Variants in STAU2 observed in about 807,000 individuals in gnomAD.
The protein encoded by STAU2 is staufen double-stranded RNA binding protein 2, also known as double-stranded RNA-binding protein Staufen homolog 2.
STAU2 carries 20 observed loss-of-function variants against 65.9 expected under a neutral mutation model. The ratio of observed to expected loss-of-function variants is 0.30; its 90% CI spans 0.21 to 0.44. STAU2 has a LOEUF of 0.44. Ranked by LOEUF, STAU2 falls within the 20% of genes least tolerant of loss-of-function variation. The probability of loss-of-function intolerance (pLI) is 1.00; values close to 1 mark genes in which losing one functional copy is unlikely to be tolerated. For missense variants in STAU2, 558 were observed against 683.9 expected (o/e 0.82, Z 2.05); for synonymous variants, 232 against 233.9 (o/e 0.99, Z 0.07).
In STAU2 at chr8:73,688,722, G is replaced by A. The variant is rs768590143; in HGVS notation, c.206C>T (p.Ala69Val). The A allele has an allele frequency of 6.2e-7, 1 of 1,614,156 alleles. No individual in the cohort carries two copies. The highest frequency in any genetic ancestry group is 2.2e-5 in the East Asian group (1 of 44,886). Residue 69 changes from alanine to valine, a missense_variant, in exon 5 of 15, where the codon GCT becomes GTT. Coordinates refer to ENST00000524300, the MANE Select transcript of STAU2 (RefSeq NM_001164380.2). ...KKAQQAVANK[A>V]LTESTLPKPV... The stretch of plus-strand genomic sequence containing the variant: ...TTTGGGAAGCGTAGATTCAGTCAAA[G>A]CTTTATTGGCAACAGCCTGCTGAGC...
chr8:73,480,676 T>C (rs1820559438), intron 13 of STAU2, among the ~76,000 whole-genome samples: 1 of 152,164 alleles, frequency 6.6e-6, no homozygotes, highest in Admixed American at 6.6e-5. Context: ...TGAGAGACTG[T>C]AATTGCAAAC....
At chr8:73,664,229 T>G (rs79454706) in intron 6 of STAU2, among the ~76,000 whole-genome samples, 11,036 of 152,102 alleles carry the variant, frequency 0.073, 435 homozygotes, top group Middle Eastern at 0.14. Context: ...TGGTCATGTT[T>G]CCCAGGCTGG....
At chr8:73,602,728 C>CAA (rs59554010) in intron 10 of STAU2, among the ~76,000 whole-genome samples, 63 of 83,258 alleles carry the variant, frequency 7.6e-4, no homozygotes, top group African/African-American at 1.5e-3. Context: ...GTTGCCCCAC[C>CAA]AAAAAAAAAA....
At chr8:73,662,309 T>C (rs538369567) in intron 6 of STAU2, among the ~76,000 whole-genome samples, 1 of 152,338 alleles carries the variant, frequency 6.6e-6, no homozygotes, top group East Asian at 1.9e-4. Flanking sequence ...TTCCTTCTAA[T>C]ATATGTCTTG....
chr8:73,743,091 A>G (rs1308661747), intron 1 of STAU2, among the ~76,000 whole-genome samples: 1 of 152,220 alleles, frequency 6.6e-6, no homozygotes, highest in East Asian at 1.9e-4. Context: ...GGTCCTTTAA[A>G]GAGCTTTTTA....
chr8:73,638,347 C>A (rs749100023), intron 6 of STAU2, among the ~76,000 whole-genome samples: 15 of 151,810 alleles, frequency 9.9e-5, no homozygotes, highest in South Asian at 4.2e-4. Flanking sequence ...AAACTGACTC[C>A]TCTCCCTTTT....
intron 13 of STAU2, among the ~76,000 whole-genome samples, chr8:73,518,846 T>C (rs76500579): frequency 8.8e-4 from 134 of 152,232 alleles, no homozygotes; most frequent in Non-Finnish European, 1.7e-3. Context: ...AAAACGAAAA[T>C]TGTATATAAT....
At chr8:73,659,848 G>A (rs555864111) in intron 6 of STAU2, among the ~76,000 whole-genome samples, 3 of 152,122 alleles carry the variant, frequency 2.0e-5, no homozygotes, top group Non-Finnish European at 2.9e-5. Context: ...AAAACATTAC[G>A]AATTCAGTAT....
intron 6 of STAU2, among the ~76,000 whole-genome samples, chr8:73,668,610 A>C (rs573265691): frequency 6.6e-6 from 1 of 152,348 alleles, no homozygotes. Flanking sequence ...TTTACCTTGT[A>C]CTTTGTCAAA....
At chr8:73,689,553 T>TCA (rs1196462099) in intron 4 of STAU2, among the ~76,000 whole-genome samples, 1 of 152,170 alleles carries the variant, frequency 6.6e-6, no homozygotes, top group African/African-American at 2.4e-5. Context: ...CATCCTCATC[T>TCA]CACACACATC....
chr8:73,739,625 T>C, intron 2 of STAU2, 131 bp downstream of exon 2: 1 of 751,898 alleles, frequency 1.3e-6, no homozygotes, highest in Non-Finnish European at 1.9e-6. Context: ...AATAGTGTCC[T>C]CAGCATCTGC....
In STAU2 at chr8:73,675,759, A is replaced by G. The variant is rs574419931; in HGVS notation, c.275-2517T>C. 2.0e-5 allele frequency among the ~76,000 whole-genome samples: 3 copies of G among 152,356 alleles called. No individual in the cohort carries two copies. In the South Asian group the frequency reaches 6.2e-4, roughly 32 times the overall value. ...ACAGATTGAAGTGGAATGAAGAGAAATGTTAAGTACATGTAACACATGGTC... is the reference window on the plus strand; with the variant it reads ...ACAGATTGAAGTGGAATGAAGAGAAGTGTTAAGTACATGTAACACATGGTC... On this transcript the variant is annotated intron_variant, in intron 5 of 14. Transcript: ENST00000524300.
intron 4 of STAU2, among the ~76,000 whole-genome samples, chr8:73,693,398 C>G (rs1217898191): frequency 6.7e-6 from 1 of 150,286 alleles, no homozygotes; most frequent in African/African-American, 2.5e-5. Flanking sequence ...TGGCGTGAAC[C>G]CGGGAGGTGG....
chr8:73,577,136 A>G (rs1809618658), intron 12 of STAU2, among the ~76,000 whole-genome samples: 1 of 152,140 alleles, frequency 6.6e-6, no homozygotes, highest in Non-Finnish European at 1.5e-5. Context: ...CTGTTTAAAT[A>G]TAATATTTAT....
intron 13 of STAU2, among the ~76,000 whole-genome samples, chr8:73,458,282 A>T (rs1819173635): frequency 6.6e-6 from 1 of 152,206 alleles, no homozygotes; most frequent in South Asian, 2.1e-4. Context: ...ATGATAATGG[A>T]TTTGAATCTC....
At chr8:73,516,650 G>A (rs1822742992) in intron 13 of STAU2, among the ~76,000 whole-genome samples, 1 of 152,160 alleles carries the variant, frequency 6.6e-6, no homozygotes, top group Non-Finnish European at 1.5e-5. Flanking sequence ...GACATGGGGA[G>A]AGGCATGACT....
intron 6 of STAU2, chr8:73,651,266 C>T (rs1214371293): frequency 4.5e-6 from 3 of 673,834 alleles, no homozygotes; most frequent in Non-Finnish European, 7.9e-6. Flanking sequence ...AGGAAAGGGC[C>T]AAACGCCTGG....
In STAU2 at chr8:73,430,216, T is replaced by C. The variant is rs1430706463; in HGVS notation, c.1531-7514A>G. 2.0e-5 allele frequency among the ~76,000 whole-genome samples: 3 copies of C among 152,180 alleles called. 1 individual carries two copies. Among genetic ancestry groups the C allele is most frequent in the African/African-American group, 4.8e-5 (2 of 41,428 alleles). ...CCAGGGTTTTGCTGGGCTTGTGGCA[T>C]GTAGGATGCTGCAGTGAGAAGAGGC... On this transcript the variant is annotated intron_variant, in intron 13 of 14. Coordinates refer to ENST00000524300, the MANE Select transcript of STAU2 (RefSeq NM_001164380.2).
intron 13 of STAU2, among the ~76,000 whole-genome samples, chr8:73,457,779 A>G (rs991475281): frequency 6.6e-6 from 1 of 152,212 alleles, no homozygotes; most frequent in African/African-American, 2.4e-5. Flanking sequence ...TATGCAAAGT[A>G]CTTAACAGGT....
Sources: gnomAD v4.1 joint callset for allele counts (sites outside exome capture counted in the v4.1 genomes callset) on GRCh38, gnomAD v4.1.1 for gene constraint, MANE v1.5 for transcripts, NCBI Gene and HGNC (gene_info 2026-07-23, HGNC 2026-07-21) for gene names.